Variants in IGF1R observed in about 807,000 individuals in gnomAD.
The protein encoded by IGF1R is insulin like growth factor 1 receptor, also known as insulin-like growth factor 1 receptor.
A neutral mutation model predicts 144.6 loss-of-function variants in IGF1R; 44 were observed. That is an observed-to-expected ratio of 0.30 (90% CI 0.24 to 0.39). IGF1R has a LOEUF of 0.39. IGF1R is among the 10% of genes least tolerant of loss of function. The pLI, the probability that IGF1R is intolerant of heterozygous loss-of-function variation, is 1.00. For synonymous variants in IGF1R, 795 were observed against 722.8 expected, an observed-to-expected ratio of 1.10 and a Z score of -1.60; for missense variants, 1,355 against 1,833.7, an observed-to-expected ratio of 0.74 and a Z score of 4.77.
intron 18 of IGF1R, 112 bp downstream of exon 18, chr15:98,939,472 C>T (rs1479014419): frequency 1.4e-5 from 14 of 981,196 alleles, no homozygotes; most frequent in African/African-American, 3.2e-5. Context: ...CTTGAGTGCA[C>T]GGACTCCTTC....
chr15:98,658,258 C>T (rs1483597685), intron 1 of IGF1R, among the ~76,000 whole-genome samples: 3 of 152,176 alleles, frequency 2.0e-5, no homozygotes, highest in Non-Finnish European at 2.9e-5. Flanking sequence ...TGCTACTTCT[C>T]CTTCCATCCT....
chr15:98,939,180 A>C (rs1226158062), intron 17 of IGF1R, 21 bp from the exon 18 acceptor site: 1 of 1,611,638 alleles, frequency 6.2e-7, no homozygotes, highest in South Asian at 1.1e-5. Flanking sequence ...TCTCATGTGA[A>C]TTTTTTTAAA....
chr15:98,947,406 G>A (rs957920386), intron 19 of IGF1R, among the ~76,000 whole-genome samples: 2 of 152,170 alleles, frequency 1.3e-5, no homozygotes, highest in Admixed American at 6.5e-5. Flanking sequence ...TCCTGCCCCA[G>A]GTTTTTCCAT....
At position 98,777,602 on chromosome 15, in the gene IGF1R, C is replaced by T. The variant is rs529596167; in HGVS notation, c.640+69495C>T. Among the ~76,000 whole-genome samples, 548 of 152,296 alleles carry T rather than the reference C, an allele frequency of 3.6e-3. 2 individuals carry two copies. The highest frequency in any genetic ancestry group is 7.8e-3 in the African/African-American group (325 of 41,572). On this transcript the variant is annotated intron_variant, in intron 2 of 20. Transcript: ENST00000650285. The stretch of plus-strand genomic sequence containing the variant: ...ACATCTCAGTGATGGAATGAGCTGC[C>T]GGGGAATGACCCCTGTGGGGGCTGT...
At chr15:98,701,223 A>G (rs531038151) in intron 1 of IGF1R, among the ~76,000 whole-genome samples, 1 of 152,122 alleles carries the variant, frequency 6.6e-6, no homozygotes, top group South Asian at 2.1e-4. Flanking sequence ...TGGTTCACTA[A>G]TGTGCTTTAC....
intron 2 of IGF1R, among the ~76,000 whole-genome samples, chr15:98,805,845 C>T (rs147143373): frequency 1.7e-3 from 265 of 152,278 alleles, no homozygotes; most frequent in Admixed American, 4.2e-3. Context: ...ATACCAACAA[C>T]CAGTTGTCTA....
chr15:98,842,805 A>T (rs1378411297), intron 2 of IGF1R, among the ~76,000 whole-genome samples: 1 of 152,218 alleles, frequency 6.6e-6, no homozygotes, highest in East Asian at 1.9e-4. Context: ...GATTTGTGCA[A>T]GTATTCTGCT....
chr15:98,939,194 C>T lies in IGF1R; in HGVS notation c.3298-7C>T. ...TTCTCATGTGAATTTTTTTAAATCT[C>T]CAACAGAATAATCCAGTCCTAGCAC... On this transcript the variant is annotated splice_region_variant and splice_polypyrimidine_tract_variant and intron_variant, in intron 17 of 20. Coordinates refer to ENST00000650285, the MANE Select transcript of IGF1R (RefSeq NM_000875.5). 1 of 1,613,144 alleles carries T rather than the reference C, an allele frequency of 6.2e-7. No individual in the cohort carries two copies. Among genetic ancestry groups the T allele is most frequent in the Non-Finnish European group, 8.5e-7 (1 of 1,179,216 alleles).
At chr15:98,713,663 A>T (rs993843243) in intron 2 of IGF1R, among the ~76,000 whole-genome samples, 4 of 152,210 alleles carry the variant, frequency 2.6e-5, no homozygotes, top group African/African-American at 9.7e-5. Context: ...AATCCTCCTG[A>T]GTACCTGTGG....
At chr15:98,883,533 T>C (rs569644256) in intron 2 of IGF1R, among the ~76,000 whole-genome samples, 4 of 152,232 alleles carry the variant, frequency 2.6e-5, no homozygotes, top group Non-Finnish European at 5.9e-5. Context: ...GAGAAGCCTG[T>C]GCTCACCGTC....
At position 98,661,956 on chromosome 15, in the gene IGF1R, C is replaced by CTTTTTTTTTTTT. The variant is rs869208651; in HGVS notation, c.94+12296_94+12307dup. Among the ~76,000 whole-genome samples, 272 of 105,680 alleles carry CTTTTTTTTTTTT rather than the reference C, an allele frequency of 2.6e-3. 22 individuals are homozygous for CTTTTTTTTTTTT. Among genetic ancestry groups the CTTTTTTTTTTTT allele is most frequent in the East Asian group, 0.01 (39 of 3,774 alleles). The allele number at this position is 105,680 out of a possible 152,430, so 69.3% of individuals were successfully genotyped here. On this transcript the variant is annotated intron_variant, in intron 1 of 20. Coordinates refer to ENST00000650285, the MANE Select transcript of IGF1R (RefSeq NM_000875.5). ...GAATTGCTGCCAGTTGAATAGGGCC[C>CTTTTTTTTTTTT]TTTTTTTTTTTTTTTTTTTTTTTTT...
intron 2 of IGF1R, among the ~76,000 whole-genome samples, chr15:98,807,700 G>C (rs1251200019): frequency 3.3e-5 from 5 of 152,226 alleles, no homozygotes; most frequent in African/African-American, 1.2e-4. Context: ...GTTTACAGCA[G>C]GGCCTGGGCC....
chr15:98,924,796 C>T (rs1326406739), intron 13 of IGF1R, 112 bp downstream of exon 13: 2 of 996,178 alleles, frequency 2.0e-6, no homozygotes, highest in African/African-American at 1.6e-5. Flanking sequence ...ATGGAGTTGG[C>T]CAGCTTCCAG....
At chr15:98,757,882 T>C (rs2055194456) in intron 2 of IGF1R, among the ~76,000 whole-genome samples, 1 of 152,252 alleles carries the variant, frequency 6.6e-6, no homozygotes, top group Admixed American at 6.5e-5. Flanking sequence ...AATTCCCATG[T>C]TAATTGAACA....
intron 1 of IGF1R, among the ~76,000 whole-genome samples, chr15:98,663,287 G>T (rs756924323): frequency 3.3e-5 from 5 of 152,154 alleles, no homozygotes; most frequent in African/African-American, 2.4e-5. Flanking sequence ...CTGCAGGACT[G>T]GGGGCGGTAG....
chr15:98,708,138 C>T (rs1195520439), intron 2 of IGF1R, 31 bp downstream of exon 2: 4 of 1,573,474 alleles, frequency 2.5e-6, no homozygotes, highest in Non-Finnish European at 2.6e-6. Flanking sequence ...TGCTTTCTCT[C>T]TGCCTCTCTC....
chr15:98,800,295 A>G (rs2141433822), intron 2 of IGF1R, among the ~76,000 whole-genome samples: 1 of 152,304 alleles, frequency 6.6e-6, no homozygotes, highest in African/African-American at 2.4e-5. Context: ...TTCATAAATT[A>G]GAAAAATATA....
intron 4 of IGF1R, 50 bp downstream of exon 4, chr15:98,896,955 T>C (rs2151652990): frequency 6.3e-7 from 1 of 1,581,706 alleles, no homozygotes; most frequent in Non-Finnish European, 8.7e-7. Flanking sequence ...TGGTTTTCTT[T>C]TGTTGATGCT....
At chr15:98,893,103 C>CA (rs752622801) in intron 3 of IGF1R, among the ~76,000 whole-genome samples, 6 of 152,162 alleles carry the variant, frequency 3.9e-5, no homozygotes, top group Non-Finnish European at 8.8e-5. Context: ...CTGAGTCTGT[C>CA]AAAATCTATT....
Sources: gnomAD v4.1 joint callset for allele counts (sites outside exome capture counted in the v4.1 genomes callset) on GRCh38, gnomAD v4.1.1 for gene constraint, MANE v1.5 for transcripts, NCBI Gene and HGNC (gene_info 2026-07-23, HGNC 2026-07-21) for gene names.